The following SORCS1 variants were observed in gnomAD, a reference collection of about 807,000 sequenced individuals.
The protein encoded by SORCS1 is VPS10 domain-containing receptor SorCS1.
SORCS1 carries 60 observed loss-of-function variants against 146.1 expected under a neutral mutation model. The observed-to-expected ratio is 0.41, with a 90% CI of 0.33 to 0.51. The LOEUF is 0.51. Among genes scored for constraint, SORCS1 ranks in the 20% least tolerant of loss-of-function variants. The pLI is 0.21. For synonymous variants in SORCS1, 637 were observed against 584.0 expected (o/e 1.09, Z -1.31); for missense variants, 1,352 against 1,487.6 (o/e 0.91, Z 1.50).
rs55830068 is a variant in SORCS1, at chr10:106,997,035, CT to C, written c.559-40456del. Among the ~76,000 whole-genome samples, 1,413 of 148,350 alleles carry C rather than the reference CT, an allele frequency of 9.5e-3. 21 individuals carry two copies. The highest frequency in any genetic ancestry group is 0.029 in the African/African-American group (1,175 of 40,362). ...ACTGCATAACATTCTCTTTAACATC[CT>C]TTTTTTTTTTCTTTATAAAGCTGCA... On this transcript the variant is annotated intron_variant, in intron 1 of 25. Transcript: ENST00000263054.
chr10:106,884,989 C>A (rs1470732993), intron 2 of SORCS1, among the ~76,000 whole-genome samples: 4 of 152,030 alleles, frequency 2.6e-5, no homozygotes, highest in Non-Finnish European at 5.9e-5. Flanking sequence ...AGCACCTGAG[C>A]AATTAGAAAT....
intron 3 of SORCS1, among the ~76,000 whole-genome samples, chr10:106,820,889 T>G (rs1163108214): frequency 6.6e-6 from 1 of 152,068 alleles, no homozygotes; most frequent in African/African-American, 2.4e-5. Context: ...AGAGCATAAC[T>G]TGGAACCAAC....
At chr10:106,594,224 G>C (rs1023582027) in intron 24 of SORCS1, among the ~76,000 whole-genome samples, 1 of 152,086 alleles carries the variant, frequency 6.6e-6, no homozygotes, top group Non-Finnish European at 1.5e-5. Context: ...ATTGAAGAAA[G>C]TTTCCTTAAG....
At chr10:106,690,798 G>A (rs1853239699) in intron 9 of SORCS1, among the ~76,000 whole-genome samples, 1 of 152,118 alleles carries the variant, frequency 6.6e-6, no homozygotes, top group Non-Finnish European at 1.5e-5. Flanking sequence ...TGCAAATGTA[G>A]TCAGCCCTAG....
At chr10:106,973,673 A>AT (rs900849150) in intron 1 of SORCS1, among the ~76,000 whole-genome samples, 10 of 152,172 alleles carry the variant, frequency 6.6e-5, no homozygotes, top group African/African-American at 1.7e-4. Context: ...GTTTCCTTCC[A>AT]TTTTTTTCCC....
At chr10:106,889,278 C>G (rs1341189565) in intron 2 of SORCS1, among the ~76,000 whole-genome samples, 2 of 152,142 alleles carry the variant, frequency 1.3e-5, no homozygotes, top group Non-Finnish European at 2.9e-5. Context: ...CCTGCCAACT[C>G]TCTTTTCAGC....
At chr10:106,731,397 A>G (rs1304540089) in intron 5 of SORCS1, among the ~76,000 whole-genome samples, 1 of 150,372 alleles carries the variant, frequency 6.7e-6, no homozygotes, top group Non-Finnish European at 1.5e-5. Context: ...TTGCTGCCTC[A>G]TCTCCTGCCA....
At chr10:106,582,319 C>T (rs1372839786) in intron 24 of SORCS1, among the ~76,000 whole-genome samples, 2 of 152,114 alleles carry the variant, frequency 1.3e-5, no homozygotes, top group Non-Finnish European at 2.9e-5. Context: ...CTTCTGTATC[C>T]CAGTTCTAAA....
chr10:107,086,884 C>T (rs1963804693), intron 1 of SORCS1, among the ~76,000 whole-genome samples: 1 of 152,134 alleles, frequency 6.6e-6, no homozygotes, highest in Admixed American at 6.5e-5. Context: ...AAACAATTAG[C>T]CGGGAATGGT....
intron 2 of SORCS1, among the ~76,000 whole-genome samples, chr10:106,836,462 G>T (rs900202192): frequency 7.4e-6 from 1 of 135,664 alleles, no homozygotes; most frequent in Non-Finnish European, 1.6e-5. Flanking sequence ...GCGATAGAGC[G>T]AGACTCGGTC....
intron 1 of SORCS1, among the ~76,000 whole-genome samples, chr10:106,986,298 TA>T (rs1034414372): frequency 9.2e-5 from 14 of 151,958 alleles, no homozygotes; most frequent in East Asian, 3.9e-4. Flanking sequence ...AACACACGTG[TA>T]AAAAAATGAT....
intron 4 of SORCS1, among the ~76,000 whole-genome samples, chr10:106,762,386 C>CTTTTTTTTTTTTTTTTTTTTTTT (rs869195563): frequency 4.1e-5 from 3 of 73,828 alleles, no homozygotes; most frequent in Non-Finnish European, 7.1e-5. Flanking sequence ...TTTTATTATT[C>CTTTTTTTTTTTTTTTTTTTTTTT]TTTTTTTTTT....
At chr10:107,138,833 C>T (rs959513998) in intron 1 of SORCS1, among the ~76,000 whole-genome samples, 5 of 152,238 alleles carry the variant, frequency 3.3e-5, no homozygotes, top group East Asian at 1.9e-4. Flanking sequence ...CCATACTTTC[C>T]GCTGTCCCTC....
intron 1 of SORCS1, among the ~76,000 whole-genome samples, chr10:107,105,639 G>A (rs1466623072): frequency 1.3e-5 from 2 of 152,160 alleles, no homozygotes; most frequent in African/African-American, 4.8e-5. Context: ...ATGGAGGCCG[G>A]AAGACTCAGC....
At chr10:106,769,175 G>T (rs571041636) in intron 4 of SORCS1, among the ~76,000 whole-genome samples, 1 of 152,248 alleles carries the variant, frequency 6.6e-6, no homozygotes, top group African/African-American at 2.4e-5. Context: ...CTTCTGTGAA[G>T]GCTCACTCAG....
At chr10:106,748,242 C>T (rs1012161860) in intron 5 of SORCS1, among the ~76,000 whole-genome samples, 3 of 152,238 alleles carry the variant, frequency 2.0e-5, no homozygotes, top group South Asian at 2.1e-4. Flanking sequence ...TCCAAAAGCA[C>T]GTGCTCACTT....
At chr10:107,156,595 C>CAGTT (rs1386721281) in intron 1 of SORCS1, among the ~76,000 whole-genome samples, 1 of 152,218 alleles carries the variant, frequency 6.6e-6, no homozygotes, top group Non-Finnish European at 1.5e-5. Context: ...CTCACCCCAA[C>CAGTT]AGTTAGAAGT....
At chr10:107,159,831 G>T (rs573085975) in intron 1 of SORCS1, among the ~76,000 whole-genome samples, 16 of 151,390 alleles carry the variant, frequency 1.1e-4, no homozygotes, top group African/African-American at 3.7e-4. Flanking sequence ...TAAAAGGTCA[G>T]CTCCTCCCCA....
At chr10:107,085,007 G>C (rs935720340) in intron 1 of SORCS1, among the ~76,000 whole-genome samples, 1 of 152,186 alleles carries the variant, frequency 6.6e-6, no homozygotes, top group Non-Finnish European at 1.5e-5. Flanking sequence ...GTCTGGTCTT[G>C]ATGAGCGTTC....
Sources: allele counts gnomAD v4.1 joint callset (sites outside exome capture counted in the v4.1 genomes callset), GRCh38; gene constraint gnomAD v4.1.1; transcripts MANE v1.5; gene names NCBI Gene and HGNC (gene_info 2026-07-23, HGNC 2026-07-21).